The following ERC1 variants were observed in gnomAD, a reference collection of about 807,000 sequenced individuals.
The protein encoded by ERC1 is RAB6 interacting protein 2.
ERC1 carries 56 observed loss-of-function variants against 132.0 expected under a neutral mutation model. The observed-to-expected ratio is 0.42, with a 90% CI of 0.34 to 0.53. The LOEUF (loss-of-function observed/expected upper bound fraction) is 0.53, where lower values mean the gene tolerates loss of function less well. ERC1 is among the 20% of genes least tolerant of loss of function. ERC1 has a pLI of 0.03. For synonymous variants in ERC1, 478 were observed against 476.1 expected (o/e 1.00, Z -0.05); for missense variants, 1,202 against 1,349.9 (o/e 0.89, Z 1.72).
chr12:1,333,701 C>G (rs1422940950), intron 15 of ERC1, among the ~76,000 whole-genome samples: 2 of 152,156 alleles, frequency 1.3e-5, no homozygotes, highest in Non-Finnish European at 2.9e-5. Flanking sequence ...GTTAATAGCA[C>G]TGCAGTGAAC....
chr12:1,426,078 A>G (rs888936352), intron 17 of ERC1, among the ~76,000 whole-genome samples: 2 of 152,074 alleles, frequency 1.3e-5, no homozygotes, highest in Non-Finnish European at 2.9e-5. Flanking sequence ...ATAGTATCTG[A>G]AGTCTAACAC....
At chr12:1,030,038 G>T (rs1266432975) in intron 2 of ERC1, among the ~76,000 whole-genome samples, 1 of 152,078 alleles carries the variant, frequency 6.6e-6, no homozygotes, top group Admixed American at 6.5e-5. Flanking sequence ...GCGAGCCACC[G>T]CCAGGCCCAT....
intron 15 of ERC1, among the ~76,000 whole-genome samples, chr12:1,366,923 A>G (rs1248808928): frequency 6.6e-6 from 1 of 152,218 alleles, no homozygotes; most frequent in African/African-American, 2.4e-5. Flanking sequence ...TGCAGAGGAC[A>G]TAAGATATAC....
intron 15 of ERC1, 27 bp downstream of exon 15, chr12:1,290,039 A>G (rs1019018963): frequency 2.0e-5 from 32 of 1,600,634 alleles, no homozygotes; most frequent in Non-Finnish European, 2.6e-5. Context: ...TTATTCTTCA[A>G]GCATATGCTT....
chr12:1,308,089 T>C (rs571561299), intron 15 of ERC1, among the ~76,000 whole-genome samples: 3 of 152,286 alleles, frequency 2.0e-5, no homozygotes, highest in Non-Finnish European at 4.4e-5. Flanking sequence ...GTAGTGTAGC[T>C]CTTAAGACAG....
In ERC1 at chr12:1,166,861, A is replaced by G. The variant is rs58519931; in HGVS notation, c.1738-13679A>G. On this transcript the variant is annotated intron_variant, in intron 8 of 18. Coordinates refer to ENST00000360905, the MANE Select transcript of ERC1 (RefSeq NM_178040.4). The stretch of plus-strand genomic sequence containing the variant: ...AATATAGCCTTTGGATAAATGCTTA[A>G]TTTTCAAGTGCTAAGGTGTAATATA... 2.0e-3 allele frequency among the ~76,000 whole-genome samples: 299 copies of G among 152,318 alleles called. 1 individual carries two copies. The highest frequency in any genetic ancestry group is 6.8e-3 in the African/African-American group (281 of 41,582).
chr12:1,317,144 A>G (rs373527328), intron 15 of ERC1, among the ~76,000 whole-genome samples: 336 of 151,082 alleles, frequency 2.2e-3, no homozygotes, highest in African/African-American at 7.6e-3. Context: ...CTGGGCAACA[A>G]GAGAGAAACT....
chr12:1,172,770 A>C (rs1363957122), intron 8 of ERC1, among the ~76,000 whole-genome samples: 1 of 151,622 alleles, frequency 6.6e-6, no homozygotes, highest in Non-Finnish European at 1.5e-5. Context: ...ATTAATTTTC[A>C]ATTTTAAAAC....
chr12:1,425,886 A>T (rs2092619228), intron 17 of ERC1, among the ~76,000 whole-genome samples: 1 of 152,028 alleles, frequency 6.6e-6, no homozygotes, highest in Admixed American at 6.6e-5. Context: ...TAATCCATTA[A>T]CCTCTTGGTA....
intron 15 of ERC1, among the ~76,000 whole-genome samples, chr12:1,306,669 G>C (rs1566545235): frequency 6.6e-6 from 1 of 152,108 alleles, no homozygotes; most frequent in Non-Finnish European, 1.5e-5. Context: ...AAATAATATA[G>C]TGTGAAGCTG....
intron 2 of ERC1, among the ~76,000 whole-genome samples, chr12:1,050,267 A>G (rs1026943726): frequency 6.6e-6 from 1 of 152,224 alleles, no homozygotes; most frequent in African/African-American, 2.4e-5. Context: ...TAAGACTTGA[A>G]GCAGAAACTG....
chr12:1,072,483 T>G (rs1374371844), intron 2 of ERC1, among the ~76,000 whole-genome samples: 1 of 133,324 alleles, frequency 7.5e-6, no homozygotes, highest in Admixed American at 7.8e-5. Flanking sequence ...GAGGAGCTCT[T>G]TTATCTGCTT....
intron 2 of ERC1, among the ~76,000 whole-genome samples, chr12:1,032,118 T>A (rs1968157228): frequency 6.6e-6 from 1 of 151,730 alleles, no homozygotes; most frequent in Admixed American, 6.6e-5. Context: ...CGATCTTGGC[T>A]CACTGCAACC....
intron 17 of ERC1, among the ~76,000 whole-genome samples, chr12:1,436,565 C>T (rs2092954841): frequency 6.6e-6 from 1 of 152,110 alleles, no homozygotes; most frequent in Admixed American, 6.5e-5. Flanking sequence ...ACTCTTTTGC[C>T]CCCTAGGCAA....
chr12:1,192,166 A>G (rs1208163828), intron 12 of ERC1, among the ~76,000 whole-genome samples: 2 of 152,130 alleles, frequency 1.3e-5, no homozygotes, highest in Non-Finnish European at 2.9e-5. Flanking sequence ...CCTTACCCTT[A>G]GGTGATTTAT....
At chr12:991,550 A>ACCCAGACCACCGGCGCCCCT (rs1395417624) in intron 1 of ERC1, 1 of 150,326 alleles carries the variant, frequency 6.7e-6, no homozygotes, top group Non-Finnish European at 1.5e-5. Flanking sequence ...GGCGGGCCCC[A>ACCCAGACCACCGGCGCCCCT]CCCAGACCAC....
Position 1,491,934 on chromosome 12 carries a change from A to G in ERC1, c.*1704A>G, listed in dbSNP as rs968424902. ...CACATCTCCTGATAAGAGTTGCTGG[A>G]CTCGATGTTTTTGTTTTGCATTTTC... On this transcript the variant is annotated 3_prime_UTR_variant, in exon 19 of 19. Coordinates refer to ENST00000360905, the MANE Select transcript of ERC1 (RefSeq NM_178040.4). The G allele has an allele frequency of 5.2e-5, 12 of 232,708 alleles. No homozygotes were observed. In the Admixed American group the frequency reaches 6.7e-4, roughly 13 times the overall value. 14.4% of individuals were successfully genotyped at this position (232,708 alleles called of 1,614,324 possible). A position where few individuals can be genotyped will look rare whatever the true frequency, so the allele number is the denominator to read the frequency against.
chr12:1,058,668 G>A (rs1973449897), intron 2 of ERC1, among the ~76,000 whole-genome samples: 1 of 151,168 alleles, frequency 6.6e-6, no homozygotes, highest in African/African-American at 2.4e-5. Flanking sequence ...TTATTGCTTT[G>A]GCTATTCAGG....
At chr12:1,356,643 G>A (rs74057166) in intron 15 of ERC1, among the ~76,000 whole-genome samples, 10,131 of 152,052 alleles carry the variant, frequency 0.067, 615 homozygotes, top group African/African-American at 0.15. Context: ...TACTTTAACC[G>A]TATGCCCCTT....
Sources: gnomAD v4.1 joint callset for allele counts (sites outside exome capture counted in the v4.1 genomes callset) on GRCh38, gnomAD v4.1.1 for gene constraint, MANE v1.5 for transcripts, NCBI Gene and HGNC (gene_info 2026-07-23, HGNC 2026-07-21) for gene names.